The following SLCO2B1 variants were observed in gnomAD, a reference collection of about 807,000 sequenced individuals.
SLCO2B1 encodes solute carrier organic anion transporter family member 2B1.
SLCO2B1 carries 41 observed loss-of-function variants against 67.3 expected under a neutral mutation model. The ratio of observed to expected loss-of-function variants is 0.61; its 90% CI spans 0.47 to 0.79. The LOEUF is 0.79. SLCO2B1 is among the 30% of genes least tolerant of loss of function. The pLI is 0.00. For synonymous variants in SLCO2B1, 379 were observed against 381.4 expected (o/e 0.99, Z 0.07); for missense variants, 837 against 920.1 (o/e 0.91, Z 1.17).
intron 2 of SLCO2B1, 68 bp downstream of exon 2, chr11:75,162,853 T>C (rs1028334895): frequency 2.9e-5 from 45 of 1,541,220 alleles, no homozygotes; most frequent in Non-Finnish European, 3.9e-5. Flanking sequence ...GCTGGTGGTG[T>C]AATGCCAAGG....
intron 10 of SLCO2B1, 96 bp downstream of exon 10, chr11:75,196,775 C>T: frequency 2.8e-6 from 3 of 1,089,066 alleles, no homozygotes; most frequent in Non-Finnish European, 2.6e-6. Flanking sequence ...CATGCTCTCA[C>T]TCTGTAGCTC....
At chr11:75,181,173 T>C (rs1031246522) in intron 7 of SLCO2B1, among the ~76,000 whole-genome samples, 1 of 151,888 alleles carries the variant, frequency 6.6e-6, no homozygotes, top group Non-Finnish European at 1.5e-5. Flanking sequence ...GCTCGAGACC[T>C]GCCTGGCCAA....
intron 8 of SLCO2B1, among the ~76,000 whole-genome samples, 174 bp downstream of exon 8, chr11:75,188,412 C>G (rs1056654589): frequency 1.3e-5 from 2 of 152,186 alleles, no homozygotes; most frequent in African/African-American, 4.8e-5. Context: ...CCTGGACCAT[C>G]ATTTTTTATT....
intron 1 of SLCO2B1, among the ~76,000 whole-genome samples, chr11:75,160,345 C>T (rs956124164): frequency 6.6e-6 from 1 of 152,238 alleles, no homozygotes; most frequent in Non-Finnish European, 1.5e-5. Flanking sequence ...GGGACCAATG[C>T]TAACCAGCAA....
At position 75,158,306 on chromosome 11, in the gene SLCO2B1, A is replaced by G. The variant is rs115453252; in HGVS notation, c.17-4349A>G. 6.7e-3 allele frequency among the ~76,000 whole-genome samples: 1,014 copies of G among 152,288 alleles called. 8 individuals are homozygous for G. The highest frequency in any genetic ancestry group is 0.023 in the African/African-American group (963 of 41,550). On this transcript the variant is annotated intron_variant, in intron 1 of 13. Coordinates refer to ENST00000289575, the MANE Select transcript of SLCO2B1 (RefSeq NM_007256.5). The stretch of plus-strand genomic sequence containing the variant: ...GCCCAGGCTGGTTTATTATTTTTTA[A>G]TCATCTAGCCTAAAATGTCAAAAAC...
chr11:75,172,355 T>C (rs1949971326), intron 6 of SLCO2B1, 24 bp from the exon 7 acceptor site: 3 of 1,598,824 alleles, frequency 1.9e-6, no homozygotes, highest in Non-Finnish European at 2.6e-6. Flanking sequence ...CTGACCCTAA[T>C]GTCACCATGC....
chr11:75,172,696 A>G lies in SLCO2B1; in HGVS notation c.972+127A>G, dbSNP rs76501269. 810 of 798,306 alleles carry G rather than the reference A, an allele frequency of 1.0e-3. 8 individuals carry two copies. In the African/African-American group the frequency reaches 0.013, roughly 12 times the overall value. 49.5% of individuals were successfully genotyped at this position (798,306 alleles called of 1,614,324 possible). On this transcript the variant is annotated intron_variant, in intron 7 of 13. Coordinates refer to ENST00000289575, the MANE Select transcript of SLCO2B1 (RefSeq NM_007256.5). ...TGTAGTTCCAGCACTTTGGGAGGCC[A>G]AGGCGGTTGGATCACGAGGTCAGGA...
intron 10 of SLCO2B1, chr11:75,199,970 T>C (rs1945156928): frequency 2.0e-6 from 1 of 507,630 alleles, no homozygotes; most frequent in East Asian, 3.4e-5. Flanking sequence ...TCTTCTTCTC[T>C]ACTTTCTCTC....
intron 3 of SLCO2B1, 37 bp from the exon 4 acceptor site, chr11:75,165,750 C>A (rs752293172): frequency 6.2e-7 from 1 of 1,608,160 alleles, no homozygotes; most frequent in African/African-American, 1.3e-5. Context: ...GCCCTGGGAA[C>A]TGTTCCACCT....
chr11:75,194,662 G>A (rs1037480636), intron 9 of SLCO2B1, among the ~76,000 whole-genome samples: 9 of 152,146 alleles, frequency 5.9e-5, no homozygotes, highest in Admixed American at 2.0e-4. Flanking sequence ...GCACTGCAGC[G>A]GGGGTTTAGC....
chr11:75,203,510 G>A (rs117082456), intron 13 of SLCO2B1, 83 bp downstream of exon 13: 1 of 1,565,018 alleles, frequency 6.4e-7, no homozygotes. Context: ...GGGAGGGGAG[G>A]TTTCATTTAA....
intron 4 of SLCO2B1, among the ~76,000 whole-genome samples, chr11:75,166,681 G>A (rs539610331): frequency 2.6e-5 from 4 of 151,774 alleles, no homozygotes; most frequent in African/African-American, 4.8e-5. Context: ...AATGGGACAC[G>A]CAACAAACTC....
chr11:75,160,448 G>A (rs755086588), intron 1 of SLCO2B1, among the ~76,000 whole-genome samples: 15 of 152,222 alleles, frequency 9.9e-5, no homozygotes, highest in Non-Finnish European at 1.9e-4. Context: ...TCATGGGCCA[G>A]TGCACAGAAA....
At chr11:75,191,142 G>A (rs567207245) in intron 8 of SLCO2B1, among the ~76,000 whole-genome samples, 20 of 152,124 alleles carry the variant, frequency 1.3e-4, no homozygotes, top group Non-Finnish European at 2.4e-4. Context: ...CACAGGATGG[G>A]GGAGGGAGGA....
chr11:75,156,238 T>C (rs1172739771), intron 1 of SLCO2B1, among the ~76,000 whole-genome samples: 1 of 152,150 alleles, frequency 6.6e-6, no homozygotes, highest in East Asian at 1.9e-4. Flanking sequence ...GGAACTAACA[T>C]GATCCACCAG....
At position 75,197,879 on chromosome 11, in the gene SLCO2B1, C is replaced by A. The variant is rs539635821; in HGVS notation, c.1599+1200C>A. On this transcript the variant is annotated intron_variant, in intron 10 of 13. Coordinates refer to ENST00000289575, the MANE Select transcript of SLCO2B1 (RefSeq NM_007256.5). ...GGGCTAAGACCAGCCGGTTCCTCCT[C>A]CCCTTTTTCCTCAGTTCCCCAAAAT... Among the ~76,000 whole-genome samples, 3 of 152,326 alleles carry A rather than the reference C, an allele frequency of 2.0e-5. No individual in the cohort carries two copies. The East Asian group carries it at 5.8e-4, about 29-fold the overall frequency.
intron 1 of SLCO2B1, among the ~76,000 whole-genome samples, chr11:75,154,629 C>A (rs1425507602): frequency 2.0e-5 from 3 of 152,240 alleles, no homozygotes; most frequent in Non-Finnish European, 4.4e-5. Context: ...GGTAACAGAG[C>A]CCTTCCTGGC....
At chr11:75,164,520 G>A (rs1433989460) in intron 3 of SLCO2B1, among the ~76,000 whole-genome samples, 2 of 152,062 alleles carry the variant, frequency 1.3e-5, no homozygotes, top group Non-Finnish European at 2.9e-5. Flanking sequence ...ATACCGCGGC[G>A]CAGGGTGTCT....
At chr11:75,187,488 G>A (rs374373211) in intron 7 of SLCO2B1, among the ~76,000 whole-genome samples, 1 of 152,212 alleles carries the variant, frequency 6.6e-6, no homozygotes, top group African/African-American at 2.4e-5. Context: ...GTGTGTTGGT[G>A]TTTTGGGTAA....
Sources: gnomAD v4.1 joint callset for allele counts (sites outside exome capture counted in the v4.1 genomes callset) on GRCh38, gnomAD v4.1.1 for gene constraint, MANE v1.5 for transcripts, NCBI Gene and HGNC (gene_info 2026-07-23, HGNC 2026-07-21) for gene names.